TASOR: variants seen among roughly 807,000 people sequenced by gnomAD.
TASOR encodes protein TASOR.
In TASOR, 53 loss-of-function variants were observed where a neutral mutation model predicts 178.6. That is an observed-to-expected ratio of 0.30 (90% confidence interval 0.24 to 0.37). TASOR has a LOEUF of 0.37. Ranked by LOEUF, TASOR falls within the 10% of genes least tolerant of loss-of-function variation. The probability of loss-of-function intolerance (pLI) is 1.00; values close to 1 mark genes in which losing one functional copy is unlikely to be tolerated. For synonymous variants in TASOR, 713 were observed against 696.2 expected (o/e 1.02, Z -0.38); for missense variants, 1,815 against 1,971.4 (o/e 0.92, Z 1.50).
intron 3 of TASOR, 171 bp downstream of exon 3, chr3:56,671,429 C>G (rs922438848): frequency 1.9e-6 from 1 of 528,482 alleles, no homozygotes; most frequent in Non-Finnish European, 3.3e-6. Flanking sequence ...AAACTGAGTA[C>G]ATTTGAAAAA....
chr3:56,654,177 G>A lies in TASOR; in HGVS notation c.1369-5120C>T, dbSNP rs141073851. Among the ~76,000 whole-genome samples the A allele has an allele frequency of 9.0e-3, 1,362 of 152,162 alleles. 47 individuals are homozygous for A. The East Asian group carries it at 0.092, about 10-fold the overall frequency. ...AGCTACTTGGGAGGCTGAGGCAGGA[G>A]AATCCCTTGAACCCGGGAGGCAGAG... On this transcript the variant is annotated intron_variant, in intron 11 of 23. Coordinates refer to ENST00000683822, the MANE Select transcript of TASOR (RefSeq NM_001365635.2).
intron 6 of TASOR, among the ~76,000 whole-genome samples, 161 bp from the exon 7 acceptor site, chr3:56,666,545 G>A (rs2029994742): frequency 6.6e-6 from 1 of 152,058 alleles, no homozygotes; most frequent in Non-Finnish European, 1.5e-5. Flanking sequence ...TTAGTACTTT[G>A]TATTCATTTT....
At chr3:56,626,573 T>C (rs1324122197) in intron 21 of TASOR, among the ~76,000 whole-genome samples, 2 of 152,008 alleles carry the variant, frequency 1.3e-5, no homozygotes, top group Non-Finnish European at 2.9e-5. Context: ...TGAAACCCCA[T>C]CTCTACTAAA....
chr3:56,632,887 C>A (rs1477245949), intron 18 of TASOR, among the ~76,000 whole-genome samples, 157 bp downstream of exon 18: 2 of 152,156 alleles, frequency 1.3e-5, no homozygotes, highest in East Asian at 3.9e-4. Context: ...ATCCTCCTGC[C>A]TCAGCCTCCC....
At chr3:56,657,974 A>C (rs944432058) in intron 11 of TASOR, among the ~76,000 whole-genome samples, 1 of 152,236 alleles carries the variant, frequency 6.6e-6, no homozygotes, top group Non-Finnish European at 1.5e-5. Context: ...TTAAGGACTA[A>C]GGCAAAGGAG....
intron 18 of TASOR, among the ~76,000 whole-genome samples, chr3:56,631,041 A>G (rs2076901500): frequency 6.6e-6 from 1 of 152,048 alleles, no homozygotes; most frequent in Admixed American, 6.6e-5. Flanking sequence ...GCCCCCAAAG[A>G]GTACTGTGCT....
In TASOR at chr3:56,643,765, A is replaced by AAC. The variant is rs1553724992; in HGVS notation, c.2216-2014_2216-2013insGT. Among the ~76,000 whole-genome samples the AAC allele has an allele frequency of 1.3e-3, 137 of 107,734 alleles. 3 individuals are homozygous for AAC. In the East Asian group the frequency reaches 0.028, roughly 22 times the overall value. 70.7% of individuals were successfully genotyped at this position (107,734 alleles called of 152,430 possible). ...GCGAGACTCCGTCTCAAAAAAAAAAAAAACAAAAAAAAAAGTTAGAATACA... is the reference window on the plus strand; with the variant it reads ...GCGAGACTCCGTCTCAAAAAAAAAAAACAAACAAAAAAAAAAGTTAGAATACA... On this transcript the variant is annotated intron_variant, in intron 14 of 23. Coordinates refer to ENST00000683822, the MANE Select transcript of TASOR (RefSeq NM_001365635.2).
chr3:56,666,099 C>G (rs981193831), intron 7 of TASOR, among the ~76,000 whole-genome samples, 161 bp downstream of exon 7: 1 of 151,762 alleles, frequency 6.6e-6, no homozygotes, highest in Non-Finnish European at 1.5e-5. Flanking sequence ...TTCACACCGA[C>G]CATTTAAAAG....
At chr3:56,669,884 AT>A in intron 4 of TASOR, 93 bp from the exon 5 acceptor site, 1 of 1,008,878 alleles carries the variant, frequency 9.9e-7, no homozygotes, top group Non-Finnish European at 1.5e-6. Context: ...TCCTTCATCA[AT>A]TTGAGGTGTT....
At chr3:56,640,306 A>G (rs749912735) in intron 15 of TASOR, among the ~76,000 whole-genome samples, 176 bp from the exon 16 acceptor site, 5 of 152,258 alleles carry the variant, frequency 3.3e-5, no homozygotes, top group Non-Finnish European at 7.3e-5. Flanking sequence ...CCCTCGAAAC[A>G]TAATTTTATG....
rs1032284954 is a variant in TASOR, at chr3:56,683,060, G to T, written c.-54C>A. ...TTCTGCCCACAAGGTCGACGGGTGT[G>T]GGGGGAAGGGGCGGCGGGCCAGTCT... On this transcript the variant is annotated 5_prime_UTR_variant, in exon 1 of 24. Transcript: ENST00000683822. 42 of 1,439,894 alleles carry T rather than the reference G, an allele frequency of 2.9e-5. No individual in the cohort carries two copies. The highest frequency in any genetic ancestry group is 3.8e-5 in the Non-Finnish European group (41 of 1,092,820). The allele number at this position is 1,439,894 out of a possible 1,614,324, so 89.2% of individuals were successfully genotyped here.
chr3:56,628,636 A>C, intron 18 of TASOR, 22 bp from the exon 19 acceptor site: 1 of 1,461,274 alleles, frequency 6.8e-7, no homozygotes, highest in Non-Finnish European at 9.4e-7. Flanking sequence ...AAACAACTAA[A>C]TCAATATTAA....
intron 16 of TASOR, 141 bp from the exon 17 acceptor site, chr3:56,638,906 G>T: frequency 1.3e-6 from 1 of 760,010 alleles, no homozygotes; most frequent in Non-Finnish European, 2.2e-6. Flanking sequence ...TGGTGATGAT[G>T]GAATATCAAC....
At position 56,633,771 on chromosome 3, in the gene TASOR, T is replaced by TG; in HGVS notation, c.3019_3020insC (p.Glu1007AlafsTer24). The TG allele has an allele frequency of 6.2e-7, 1 of 1,614,242 alleles. No individual in the cohort carries two copies. Among genetic ancestry groups the TG allele is most frequent in the Non-Finnish European group, 8.5e-7 (1 of 1,180,050 alleles). On this transcript the variant is annotated frameshift_variant, in exon 18 of 24. Transcript: ENST00000683822. LOFTEE classifies it high-confidence loss of function. ...TTCGCTCACTGCAGGCGGCTCTGCC[T>TG]CTGCTGCTGGCACACACTGCTCCTC...
chr3:56,642,764 G>A (rs6804262), intron 14 of TASOR, among the ~76,000 whole-genome samples: 48,012 of 151,762 alleles, frequency 0.32, 8,006 homozygotes, highest in East Asian at 0.49. Context: ...CACAAGGTCA[G>A]GAGATCGAGA....
chr3:56,645,498 A>C (rs936828049), intron 14 of TASOR, among the ~76,000 whole-genome samples: 2 of 152,234 alleles, frequency 1.3e-5, no homozygotes, highest in African/African-American at 4.8e-5. Flanking sequence ...ACAGTAACAC[A>C]AAACGTGGAT....
chr3:56,631,066 T>G (rs942413027), intron 18 of TASOR, among the ~76,000 whole-genome samples: 3 of 152,084 alleles, frequency 2.0e-5, no homozygotes, highest in African/African-American at 7.2e-5. Flanking sequence ...AACTTGTTGC[T>G]GGCTGGTGGG....
chr3:56,634,102 T>G (rs547680497), intron 17 of TASOR, 136 bp from the exon 18 acceptor site: 22 of 731,452 alleles, frequency 3.0e-5, no homozygotes, highest in Middle Eastern at 3.9e-4. Flanking sequence ...AATAAAATCC[T>G]AAAATTCTGG....
chr3:56,670,068 A>T lies in TASOR; in HGVS notation c.643+5T>A. Reference sequence around the variant, plus strand: ...ATATTTATATTTAAAAAGAAAAAAGATTACCCATGGAAGGACTGCCAAGAA... The same window carrying T: ...ATATTTATATTTAAAAAGAAAAAAGTTTACCCATGGAAGGACTGCCAAGAA... On this transcript the variant is annotated splice_donor_5th_base_variant and intron_variant, in intron 4 of 23. Coordinates refer to ENST00000683822, the MANE Select transcript of TASOR (RefSeq NM_001365635.2). The T allele has an allele frequency of 6.6e-7, 1 of 1,513,028 alleles. No individual in the cohort carries two copies. The highest frequency in any genetic ancestry group is 8.9e-7 in the Non-Finnish European group (1 of 1,126,816). The allele number at this position is 1,513,028 out of a possible 1,614,324, so 93.7% of individuals were successfully genotyped here.
Sources: gnomAD v4.1 joint callset for allele counts (sites outside exome capture counted in the v4.1 genomes callset) on GRCh38, gnomAD v4.1.1 for gene constraint, MANE v1.5 for transcripts, NCBI Gene and HGNC (gene_info 2026-07-23, HGNC 2026-07-21) for gene names.